CYP19A1: variants seen among roughly 807,000 people sequenced by gnomAD.
The protein encoded by CYP19A1 is aromatase.
Under a neutral mutation model 44.4 loss-of-function variants are expected in CYP19A1, and 32 were observed. The observed-to-expected ratio is 0.72, with a 90% CI of 0.54 to 0.97. The LOEUF (loss-of-function observed/expected upper bound fraction) is 0.97. Ranked by LOEUF, CYP19A1 falls within the 50% of genes least tolerant of loss-of-function variation. CYP19A1 has a pLI of 0.00. For missense variants in CYP19A1, 598 were observed against 637.8 expected, an observed-to-expected ratio of 0.94 and a Z score of 0.67; for synonymous variants, 212 against 215.6, an observed-to-expected ratio of 0.98 and a Z score of 0.14.
intron 2 of CYP19A1, among the ~76,000 whole-genome samples, chr15:51,240,176 T>C (rs997708195): frequency 2.6e-5 from 4 of 151,996 alleles, no homozygotes; most frequent in African/African-American, 9.7e-5. Flanking sequence ...TTACTACTTT[T>C]ATATAATCCC....
intron 5 of CYP19A1, among the ~76,000 whole-genome samples, chr15:51,219,422 T>C (rs960843186): frequency 6.6e-6 from 1 of 152,242 alleles, no homozygotes; most frequent in Non-Finnish European, 1.5e-5. Flanking sequence ...CCAGTCACCA[T>C]GCTAGGCACT....
At chr15:51,336,248 A>G (rs2446410) in intron 1 of CYP19A1, among the ~76,000 whole-genome samples, 85,897 of 152,152 alleles carry the variant, frequency 0.56, 26,937 homozygotes, top group African/African-American at 0.84. Context: ...TTCAGGAATG[A>G]TGCCTGGCTT....
At chr15:51,272,624 A>G (rs2140955579) in intron 1 of CYP19A1, among the ~76,000 whole-genome samples, 1 of 152,300 alleles carries the variant, frequency 6.6e-6, no homozygotes, top group Non-Finnish European at 1.5e-5. Context: ...CCTTCACATT[A>G]TGTTTTTAGA....
Position 51,327,089 on chromosome 15 carries a change from G to A in CYP19A1, c.-39+11406C>T, listed in dbSNP as rs113273225. On this transcript the variant is annotated intron_variant, in intron 1 of 9. Transcript: ENST00000396402. ...AAAAGCAGCTCGTATTTTTGGTTTC[G>A]GGTAGTCAGGTCTTAATTATCTAGC... Among the ~76,000 whole-genome samples, 569 of 152,238 alleles carry A rather than the reference G, an allele frequency of 3.7e-3. 5 individuals carry two copies. Among genetic ancestry groups the A allele is most frequent in the African/African-American group, 0.013 (535 of 41,548 alleles).
intron 1 of CYP19A1, among the ~76,000 whole-genome samples, chr15:51,277,673 C>T (rs960778092): frequency 1.3e-5 from 2 of 152,264 alleles, no homozygotes; most frequent in African/African-American, 4.8e-5. Flanking sequence ...ATTCTGTATA[C>T]TCCTATTTTT....
intron 1 of CYP19A1, among the ~76,000 whole-genome samples, chr15:51,315,323 G>T (rs201710156): frequency 6.6e-6 from 1 of 152,136 alleles, no homozygotes; most frequent in Non-Finnish European, 1.5e-5. Context: ...CATGGTGCAT[G>T]CTTAGCTCAC....
intron 1 of CYP19A1, chr15:51,278,822 C>G (rs2035417779): frequency 6.6e-6 from 1 of 152,152 alleles, no homozygotes; most frequent in African/African-American, 2.4e-5. Flanking sequence ...GGGAGAGGAG[C>G]CTTTCTCTCT....
rs564433550 is a variant in CYP19A1 at position 51,292,204 on chromosome 15, A to G, written c.-39+46291T>C. 6.6e-5 allele frequency among the ~76,000 whole-genome samples: 10 copies of G among 152,362 alleles called. No individual in the cohort carries two copies. The South Asian group carries it at 1.9e-3, about 28-fold the overall frequency. The stretch of plus-strand genomic sequence containing the variant: ...GACAGGCAGAGTCACTCGGCTCTCA[A>G]CCCTGGTGATAGTCAAAGAGAGAAA... On this transcript the variant is annotated intron_variant, in intron 1 of 9. Transcript: ENST00000396402.
chr15:51,227,136 A>G (rs762121785), intron 4 of CYP19A1, among the ~76,000 whole-genome samples: 2 of 152,124 alleles, frequency 1.3e-5, no homozygotes, highest in Non-Finnish European at 2.9e-5. Flanking sequence ...TTGCACATCA[A>G]TAAGAAGAAA....
chr15:51,258,953 G>T (rs1042328983), intron 1 of CYP19A1, among the ~76,000 whole-genome samples: 4 of 152,184 alleles, frequency 2.6e-5, no homozygotes, highest in African/African-American at 9.7e-5. Context: ...TGAGAAAGTG[G>T]GAAAGTCTTA....
chr15:51,245,145 G>C (rs921140137), intron 1 of CYP19A1, among the ~76,000 whole-genome samples: 1 of 152,032 alleles, frequency 6.6e-6, no homozygotes, highest in East Asian at 1.9e-4. Context: ...GGATTGCTTT[G>C]CACGGTTTTA....
chr15:51,300,098 A>G (rs1845838995), intron 1 of CYP19A1, among the ~76,000 whole-genome samples: 1 of 152,214 alleles, frequency 6.6e-6, no homozygotes, highest in Non-Finnish European at 1.5e-5. Context: ...CAGCGTGTCT[A>G]TCAGCTCCCC....
intron 1 of CYP19A1, among the ~76,000 whole-genome samples, chr15:51,301,913 C>G (rs1410638611): frequency 6.6e-6 from 1 of 152,172 alleles, no homozygotes; most frequent in Non-Finnish European, 1.5e-5. Flanking sequence ...ATTTCCCTGT[C>G]AGAGAAAAAA....
chr15:51,225,680 T>A (rs1287151506), intron 4 of CYP19A1, among the ~76,000 whole-genome samples: 2 of 152,158 alleles, frequency 1.3e-5, no homozygotes, highest in African/African-American at 4.8e-5. Flanking sequence ...GCATCCTAAA[T>A]TTGTCTGGGT....
intron 5 of CYP19A1, chr15:51,221,971 A>G (rs1595680679): frequency 2.9e-6 from 1 of 344,020 alleles, no homozygotes; most frequent in East Asian, 5.5e-5. Flanking sequence ...GTATGTATGT[A>G]TATATGTATG....
At chr15:51,274,107 A>C (rs1160082854) in intron 1 of CYP19A1, among the ~76,000 whole-genome samples, 1 of 152,164 alleles carries the variant, frequency 6.6e-6, no homozygotes, top group Non-Finnish European at 1.5e-5. Context: ...AGAGAGTGGG[A>C]CTGGGCACGT....
At position 51,215,378 on chromosome 15, in the gene CYP19A1, AT is replaced by A. The variant is rs1423330349; in HGVS notation, c.859-147del. 14 of 1,361,160 alleles carry A rather than the reference AT, an allele frequency of 1.0e-5. No homozygotes were observed. The African/African-American group carries it at 2.0e-4, about 20-fold the overall frequency. The allele number at this position is 1,361,160 out of a possible 1,614,324, so 84.3% of individuals were successfully genotyped here. A position where few individuals can be genotyped will look rare whatever the true frequency, so the allele number is the denominator to read the frequency against. On this transcript the variant is annotated intron_variant, in intron 7 of 9. Transcript: ENST00000396402. ...CTGTGATTGACTGTGGACATTTTACATGACAATCTTTAGCTGAAAGATGAAC... is the reference window on the plus strand; with the variant it reads ...CTGTGATTGACTGTGGACATTTTACAGACAATCTTTAGCTGAAAGATGAAC...
chr15:51,252,162 C>T (rs17703982), intron 1 of CYP19A1, among the ~76,000 whole-genome samples: 20,749 of 152,106 alleles, frequency 0.14, 2,444 homozygotes, highest in African/African-American at 0.3. Flanking sequence ...CCCACTTTGG[C>T]CAACTTCTCT....
chr15:51,233,531 A>G (rs2033181527), intron 3 of CYP19A1, among the ~76,000 whole-genome samples: 1 of 152,234 alleles, frequency 6.6e-6, no homozygotes, highest in Admixed American at 6.5e-5. Flanking sequence ...AATGACTATT[A>G]CAACTTAGAA....
Sources: gnomAD v4.1 joint callset for allele counts (sites outside exome capture counted in the v4.1 genomes callset) on GRCh38, gnomAD v4.1.1 for gene constraint, MANE v1.5 for transcripts, NCBI Gene and HGNC (gene_info 2026-07-23, HGNC 2026-07-21) for gene names.